The following DDX42 variants were observed in gnomAD, a reference collection of about 807,000 sequenced individuals.
DDX42 encodes the protein DEAD-box helicase 42.
DDX42 carries 22 observed loss-of-function variants against 101.5 expected under a neutral mutation model. The ratio of observed to expected loss-of-function variants is 0.22; its 90% CI spans 0.15 to 0.31. The LOEUF (loss-of-function observed/expected upper bound fraction) is 0.31. Ranked by LOEUF, DDX42 falls within the 10% of genes least tolerant of loss-of-function variation. The pLI is 1.00. For synonymous variants in DDX42, 402 were observed against 401.2 expected, an observed-to-expected ratio of 1.00 and a Z score of -0.02; for missense variants, 849 against 1,199.9, an observed-to-expected ratio of 0.71 and a Z score of 4.32.
intron 15 of DDX42, among the ~76,000 whole-genome samples, chr17:63,815,146 A>G (rs572907794): frequency 6.6e-6 from 1 of 152,140 alleles, no homozygotes; most frequent in Non-Finnish European, 1.5e-5. Flanking sequence ...TTCACATAGC[A>G]TTTTTCCTTT....
chr17:63,776,633 CTTT>C (rs773294172), intron 1 of DDX42, among the ~76,000 whole-genome samples: 5 of 139,826 alleles, frequency 3.6e-5, no homozygotes, highest in South Asian at 2.2e-4. Context: ...ATAGTCTCAT[CTTT>C]TTTTTTTTTT....
Position 63,813,292 on chromosome 17 carries a change from T to C in DDX42, c.1740T>C (p.Asp580=). The C allele has an allele frequency of 1.9e-6, 3 of 1,614,108 alleles. No homozygotes were observed. The highest frequency in any genetic ancestry group is 3.3e-4 in the Middle Eastern group (2 of 6,060). ...VINYDVARDI[D]THTHRIGRTG... is the part of the protein sequence containing the mutation. The stretch of plus-strand genomic sequence containing the variant: ...ACTATGATGTGGCACGAGACATTGA[T>C]ACCCACACGCATAGGATTGGCCGCA... The change falls in exon 15 of 18, where the codon GAT becomes GAC. Residue 580 remains aspartate, a synonymous_variant. Transcript: ENST00000389924.
chr17:63,813,231 G>A lies in DDX42; in HGVS notation c.1679G>A (p.Arg560His). ...PVLVATDVAA[R>H]GLDIPSIKTV... ...ATTTGGTTGCTTTTTATTTCAGCCCGTGGTCTGGACATTCCTTCAATTAAG... is the reference window on the plus strand; with the variant it reads ...ATTTGGTTGCTTTTTATTTCAGCCCATGGTCTGGACATTCCTTCAATTAAG... Residue 560 changes from arginine to histidine, a missense_variant, in exon 15 of 18, where the codon CGT (arginine) becomes CAT (histidine). Around this residue, in one of 5 missense-constraint regions of DDX42, gnomAD observed 370 missense variants for 608.8 expected, o/e 0.61. Coordinates refer to ENST00000389924, the MANE Select transcript of DDX42 (RefSeq NM_203499.3). 6.3e-7 allele frequency: 1 copy of A among 1,589,700 alleles called. No homozygotes were observed.
intron 13 of DDX42, 56 bp from the exon 14 acceptor site, chr17:63,811,876 T>G (rs762141386): frequency 1.2e-6 from 2 of 1,611,014 alleles, no homozygotes; most frequent in South Asian, 2.2e-5. Context: ...TAGTCCTTGT[T>G]CAGGTGCCCT....
chr17:63,803,124 G>A (rs1424269701), intron 6 of DDX42, among the ~76,000 whole-genome samples: 2 of 152,054 alleles, frequency 1.3e-5, no homozygotes, highest in Non-Finnish European at 2.9e-5. Flanking sequence ...AATGATCAAT[G>A]TATGACATTA....
At chr17:63,780,148 T>A (rs151078998) in intron 1 of DDX42, among the ~76,000 whole-genome samples, 1 of 152,002 alleles carries the variant, frequency 6.6e-6, no homozygotes. Flanking sequence ...AATACAAAAT[T>A]AGCCAGGCGT....
At chr17:63,806,475 AC>A in intron 7 of DDX42, 59 bp from the exon 8 acceptor site, 3 of 1,524,514 alleles carry the variant, frequency 2.0e-6, no homozygotes, top group Admixed American at 4.0e-5. Context: ...GTATTGTTGA[AC>A]TTCAAATGCT....
At chr17:63,795,031 T>A (rs1484257849) in intron 3 of DDX42, among the ~76,000 whole-genome samples, 1 of 151,830 alleles carries the variant, frequency 6.6e-6, no homozygotes, top group Non-Finnish European at 1.5e-5. Context: ...AGAATACACC[T>A]CTCCTCCAAG....
At chr17:63,813,877 T>C (rs995184069) in intron 15 of DDX42, among the ~76,000 whole-genome samples, 5 of 151,894 alleles carry the variant, frequency 3.3e-5, no homozygotes, top group African/African-American at 9.7e-5. Context: ...TCTCACTCTA[T>C]CGCCCAGGCT....
intron 1 of DDX42, among the ~76,000 whole-genome samples, chr17:63,780,517 A>G (rs1356634406): frequency 1.3e-5 from 2 of 152,198 alleles, no homozygotes; most frequent in Non-Finnish European, 2.9e-5. Flanking sequence ...TACTATGCAG[A>G]CACCAAGGAT....
In DDX42 at chr17:63,805,190, G is replaced by A. The variant is rs1408577695; in HGVS notation, c.726+15G>A. 2.5e-6 allele frequency: 4 copies of A among 1,608,708 alleles called. No homozygotes were observed. In the African/African-American group the frequency reaches 4.0e-5, roughly 16 times the overall value. On this transcript the variant is annotated intron_variant, in intron 7 of 17. Transcript: ENST00000389924. ...TCAATCTTCGGGTAAGCATCATTAA[G>A]CTCAATATTCTTAATATTAATGTTA...
At chr17:63,799,807 C>T (rs539141198) in intron 5 of DDX42, among the ~76,000 whole-genome samples, 182 bp downstream of exon 5, 1 of 152,154 alleles carries the variant, frequency 6.6e-6, no homozygotes, top group Non-Finnish European at 1.5e-5. Flanking sequence ...ATGGCTTTCC[C>T]CCATATTGAA....
chr17:63,799,369 TATC>T (rs2144561117), intron 4 of DDX42: 2 of 429,286 alleles, frequency 4.7e-6, no homozygotes, highest in African/African-American at 2.0e-5. Context: ...AGGGGTATCA[TATC>T]ATCCCATTTA....
chr17:63,815,706 A>G, intron 16 of DDX42, 33 bp downstream of exon 16: 2 of 1,455,724 alleles, frequency 1.4e-6, no homozygotes, highest in Non-Finnish European at 1.9e-6. Flanking sequence ...GTGCCTTTAT[A>G]GTTGGTCTCA....
At position 63,809,666 on chromosome 17, in the gene DDX42, C is replaced by G. The variant is rs752924873; in HGVS notation, c.1252+7C>G. 1.2e-6 allele frequency: 2 copies of G among 1,602,684 alleles called. No homozygotes were observed. The highest frequency in any genetic ancestry group is 1.7e-6 in the Non-Finnish European group (2 of 1,169,562). Reference sequence around the variant, plus strand: ...ATGTTTGACATGGGATTTGGTATGCCTTGAATACCAGTTTCTTCTGTCCCC... The same window carrying G: ...ATGTTTGACATGGGATTTGGTATGCGTTGAATACCAGTTTCTTCTGTCCCC... On this transcript the variant is annotated splice_region_variant and intron_variant, in intron 11 of 17. Coordinates refer to ENST00000389924, the MANE Select transcript of DDX42 (RefSeq NM_203499.3).
At chr17:63,788,793 A>T (rs1318820573) in intron 2 of DDX42, among the ~76,000 whole-genome samples, 1 of 152,192 alleles carries the variant, frequency 6.6e-6, no homozygotes, top group Non-Finnish European at 1.5e-5. Flanking sequence ...ATTTCTATAC[A>T]AAATATCTCT....
intron 13 of DDX42, 84 bp from the exon 14 acceptor site, chr17:63,811,848 A>C: frequency 6.7e-7 from 1 of 1,487,464 alleles, no homozygotes; most frequent in Non-Finnish European, 9.0e-7. Flanking sequence ...TTCTCGATGC[A>C]GGTAGAAATA....
chr17:63,787,922 T>TGG (rs1555571610), intron 2 of DDX42, among the ~76,000 whole-genome samples: 1 of 144,068 alleles, frequency 6.9e-6, no homozygotes, highest in African/African-American at 2.6e-5. Context: ...TTTTTTTTTT[T>TGG]GGAGGCAGAG....
At chr17:63,810,310 C>CG in intron 11 of DDX42, 1 of 312,684 alleles carries the variant, frequency 3.2e-6, no homozygotes, top group Non-Finnish European at 5.8e-6. Context: ...GACCAGGCTG[C>CG]GAACTCCTGA....
Sources: gnomAD v4.1 joint callset for allele counts (sites outside exome capture counted in the v4.1 genomes callset) on GRCh38, gnomAD v4.1.1 for gene constraint, gnomAD v4.1.1 regional missense constraint, MANE v1.5 for transcripts, NCBI Gene and HGNC (gene_info 2026-07-23, HGNC 2026-07-21) for gene names.